EGFR: variants seen among roughly 807,000 people sequenced by gnomAD.
EGFR encodes the protein avian erythroblastic leukemia viral (v-erb-b) oncogene homolog.
Under a neutral mutation model 143.0 loss-of-function variants are expected in EGFR, and 58 were observed. The ratio of observed to expected loss-of-function variants is 0.41; its 90% CI spans 0.33 to 0.50. The LOEUF (loss-of-function observed/expected upper bound fraction) is 0.50, where lower values mean the gene tolerates loss of function less well. Among genes scored for constraint, EGFR ranks in the 20% least tolerant of loss-of-function variants. The pLI, the probability that EGFR is intolerant of heterozygous loss-of-function variation, is 0.39. For synonymous variants in EGFR, 613 were observed against 594.4 expected (o/e 1.03, Z -0.45); for missense variants, 1,307 against 1,579.0 (o/e 0.83, Z 2.92).
intron 1 of EGFR, among the ~76,000 whole-genome samples, chr7:55,058,470 G>T (rs1038247006): frequency 1.3e-5 from 2 of 152,020 alleles, no homozygotes; most frequent in African/African-American, 2.4e-5. Context: ...ATGCCCATCG[G>T]TGATAGACTG....
chr7:55,202,981 C>T (rs1444219861), intron 27 of EGFR: 2 of 534,594 alleles, frequency 3.7e-6, no homozygotes, highest in Non-Finnish European at 6.6e-6. Flanking sequence ...CAGATTTGAT[C>T]CCTGTTCTCT....
intron 7 of EGFR, among the ~76,000 whole-genome samples, chr7:55,154,927 A>AC (rs397972819): frequency 2.7e-5 from 4 of 150,846 alleles, no homozygotes; most frequent in Admixed American, 6.6e-5. Flanking sequence ...GAAAAAAAAA[A>AC]CACAAAATAA....
At chr7:55,167,739 AC>A (rs1271145990) in intron 15 of EGFR, among the ~76,000 whole-genome samples, 38 of 152,298 alleles carry the variant, frequency 2.5e-4, no homozygotes, top group African/African-American at 9.1e-4. Context: ...AGTGGCAGTG[AC>A]GGTGATTGAG....
intron 1 of EGFR, among the ~76,000 whole-genome samples, chr7:55,105,138 G>A (rs566280403): frequency 4.6e-5 from 7 of 152,304 alleles, no homozygotes; most frequent in African/African-American, 9.6e-5. Flanking sequence ...AGGAGCTTGC[G>A]GTTGTTACAT....
intron 19 of EGFR, among the ~76,000 whole-genome samples, chr7:55,175,770 T>G (rs1033278916): frequency 5.3e-5 from 8 of 152,190 alleles, no homozygotes; most frequent in Non-Finnish European, 1.0e-4. Flanking sequence ...ACAGAATACA[T>G]AGCAAGTAAA....
chr7:55,200,608 C>A (rs925723064), intron 24 of EGFR, 195 bp downstream of exon 24: 11 of 648,784 alleles, frequency 1.7e-5, no homozygotes, highest in Non-Finnish European at 2.2e-5. Context: ...GTGGGGCCCA[C>A]CCAACTCCAT....
intron 1 of EGFR, 111 bp from the exon 2 acceptor site, chr7:55,142,175 G>A (rs1301999935): frequency 4.5e-6 from 6 of 1,324,744 alleles, no homozygotes; most frequent in Admixed American, 1.8e-5. Flanking sequence ...GTCTCTGTGT[G>A]GAGAGAGTGA....
chr7:55,111,306 C>T (rs1792472366), intron 1 of EGFR, among the ~76,000 whole-genome samples: 1 of 151,714 alleles, frequency 6.6e-6, no homozygotes, highest in African/African-American at 2.4e-5. Flanking sequence ...TTGCAATCCA[C>T]AGTAACCGGT....
intron 1 of EGFR, among the ~76,000 whole-genome samples, chr7:55,038,870 G>C (rs1232293830): frequency 1.3e-5 from 2 of 151,810 alleles, no homozygotes; most frequent in Non-Finnish European, 2.9e-5. Flanking sequence ...ATATTTACCA[G>C]CTGCTTCCCT....
In EGFR at chr7:55,142,335, T is replaced by A. The variant is rs1052582656; in HGVS notation, c.138T>A (p.Asp46Glu). The change falls in exon 2 of 28, where the codon GAT becomes GAA. Residue 46 changes from aspartate (D) to glutamate (E), a missense_variant. Asp to Glu is a conservative substitution (Grantham distance 45, BLOSUM62 2). Coordinates refer to ENST00000275493, the MANE Select transcript of EGFR (RefSeq NM_005228.5). ...NKLTQLGTFE[D>E]HFLSLQRMFN... ...TCACGCAGTTGGGCACTTTTGAAGATCATTTTCTCAGCCTCCAGAGGATGT... is the reference window on the plus strand; with the variant it reads ...TCACGCAGTTGGGCACTTTTGAAGAACATTTTCTCAGCCTCCAGAGGATGT... The A allele has an allele frequency of 9.9e-6, 16 of 1,614,122 alleles. No individual in the cohort carries two copies. In the Admixed American group the frequency reaches 2.3e-4, roughly 24 times the overall value.
intron 1 of EGFR, among the ~76,000 whole-genome samples, chr7:55,140,585 T>G (rs1794404367): frequency 6.6e-6 from 1 of 152,228 alleles, no homozygotes; most frequent in Non-Finnish European, 1.5e-5. Context: ...TATCTGCATG[T>G]GTAGCCGACA....
intron 1 of EGFR, among the ~76,000 whole-genome samples, chr7:55,129,801 A>G (rs1185754271): frequency 6.6e-6 from 1 of 152,132 alleles, no homozygotes; most frequent in Non-Finnish European, 1.5e-5. Flanking sequence ...GCCTTGGGGG[A>G]AAATGAATCA....
At chr7:55,082,195 G>A (rs1054173315) in intron 1 of EGFR, among the ~76,000 whole-genome samples, 3 of 152,198 alleles carry the variant, frequency 2.0e-5, no homozygotes, top group African/African-American at 7.2e-5. Flanking sequence ...ATCAGGATGA[G>A]AAAGCTGTTA....
chr7:55,062,566 T>C lies in EGFR; in HGVS notation c.88+43201T>C, dbSNP rs566554821. Among the ~76,000 whole-genome samples the C allele has an allele frequency of 4.6e-5, 7 of 152,296 alleles. No homozygotes were observed. In the East Asian group the frequency reaches 1.4e-3, roughly 29 times the overall value. ...CTGCATGGAAAAATGTGCATGGGTT[T>C]CTGAATATAACTCCATGGTGCTTGC... is the stretch of plus-strand genomic sequence containing the variant. On this transcript the variant is annotated intron_variant, in intron 1 of 27. Transcript: ENST00000275493.
At chr7:55,088,997 C>T (rs1185617192) in intron 1 of EGFR, among the ~76,000 whole-genome samples, 1 of 152,148 alleles carries the variant, frequency 6.6e-6, no homozygotes, top group Non-Finnish European at 1.5e-5. Context: ...GCTTTCACTC[C>T]ACTGTCAAGA....
chr7:55,089,410 T>C (rs759714289), intron 1 of EGFR, among the ~76,000 whole-genome samples: 9 of 152,210 alleles, frequency 5.9e-5, no homozygotes, highest in African/African-American at 1.4e-4. Flanking sequence ...AATTTTTAAA[T>C]TTTCAGTTAT....
chr7:55,088,396 T>G (rs999183307), intron 1 of EGFR, among the ~76,000 whole-genome samples: 1 of 152,266 alleles, frequency 6.6e-6, no homozygotes, highest in African/African-American at 2.4e-5. Context: ...AGTACCTCCA[T>G]GTTCATGGAA....
In EGFR at chr7:55,205,521, G is replaced by A. The variant is rs1343156007; in HGVS notation, c.3537G>A (p.Lys1179=). The change falls in exon 28 of 28, where the codon AAG becomes AAA. Residue 1179 remains lysine (K), a synonymous_variant. Coordinates refer to ENST00000275493, the MANE Select transcript of EGFR (RefSeq NM_005228.5). The stretch of plus-strand genomic sequence containing the variant: ...ACTACCAGCAGGACTTCTTTCCCAA[G>A]GAAGCCAAGCCAAATGGCATCTTTA... ...NPDYQQDFFP[K]EAKPNGIFKG... 6.2e-7 allele frequency: 1 copy of A among 1,614,196 alleles called. No individual in the cohort carries two copies. Among genetic ancestry groups the A allele is most frequent in the Non-Finnish European group, 8.5e-7 (1 of 1,180,048 alleles).
rs1786864166 is a variant in EGFR at position 55,181,355 on chromosome 7, C to T, written c.2346C>T (p.Leu782=). Residue 782 remains leucine, a synonymous_variant, in exon 20 of 28, where the codon CTC becomes CTT. Coordinates refer to ENST00000275493, the MANE Select transcript of EGFR (RefSeq NM_005228.5). ...PHVCRLLGIC[L]TSTVQLITQL... Reference sequence around the variant, plus strand: ...TGTGCCGCCTGCTGGGCATCTGCCTCACCTCCACCGTGCAGCTCATCACGC... The same window carrying T: ...TGTGCCGCCTGCTGGGCATCTGCCTTACCTCCACCGTGCAGCTCATCACGC... 3 of 1,614,234 alleles carry T rather than the reference C, an allele frequency of 1.9e-6. No homozygotes were observed. Among genetic ancestry groups the T allele is most frequent in the African/African-American group, 1.3e-5 (1 of 75,066 alleles).
Sources: gnomAD v4.1 joint callset for allele counts (sites outside exome capture counted in the v4.1 genomes callset) on GRCh38, gnomAD v4.1.1 for gene constraint, MANE v1.5 for transcripts, NCBI Gene and HGNC (gene_info 2026-07-23, HGNC 2026-07-21) for gene names.